DOT1L: variants seen among roughly 807,000 people sequenced by gnomAD.
DOT1L encodes the protein histone-lysine N-methyltransferase, H3 lysine-79 specific.
DOT1L carries 33 observed loss-of-function variants against 153.3 expected under a neutral mutation model. That is an observed-to-expected ratio of 0.22 (90% confidence interval 0.16 to 0.29). DOT1L has a LOEUF of 0.29. Among genes scored for constraint, DOT1L ranks in the 10% least tolerant of loss-of-function variants. The pLI is 1.00. For synonymous variants in DOT1L, 1,135 were observed against 965.1 expected, an observed-to-expected ratio of 1.18 and a Z score of -3.26; for missense variants, 1,847 against 2,119.9, an observed-to-expected ratio of 0.87 and a Z score of 2.53.
chr19:2,206,924 G>C (rs1001028322), intron 10 of DOT1L, 127 bp downstream of exon 10: 7 of 932,254 alleles, frequency 7.5e-6, no homozygotes, highest in South Asian at 2.8e-5. Context: ...GGGTGGGGCT[G>C]TCCTGGGCAG....
chr19:2,227,435 G>T, intron 27 of DOT1L: 1 of 615,244 alleles, frequency 1.6e-6, no homozygotes. Context: ...GTGGCCGCCC[G>T]GGCTCTGGCA....
intron 3 of DOT1L, among the ~76,000 whole-genome samples, chr19:2,188,651 T>C (rs532733076): frequency 1.3e-5 from 2 of 152,248 alleles, no homozygotes; most frequent in South Asian, 2.1e-4. Context: ...TGAGAGCCAC[T>C]GTGTGTGACA....
rs2022814085 is a variant in DOT1L at position 2,191,956 on chromosome 19, A to G, written c.493+716A>G. ...GCACAGATGAGCGGCCCGTACACGA[A>G]CAGCCTCAGTAGCCTGACGAATTCT... On this transcript the variant is annotated intron_variant, in intron 5 of 27. Transcript: ENST00000398665. This position sits in a 1 kb window ranked among gnomAD's most constrained non-coding sequence, Gnocchi z 6.8. Among the ~76,000 whole-genome samples the G allele has an allele frequency of 6.6e-6, 1 of 152,136 alleles. No homozygotes were observed. Among genetic ancestry groups the G allele is most frequent in the East Asian group, 1.9e-4 (1 of 5,184 alleles).
chr19:2,178,198 C>T (rs28412238), intron 1 of DOT1L, among the ~76,000 whole-genome samples: 6 of 148,968 alleles, frequency 4.0e-5, no homozygotes. Context: ...TCCCAAAGTG[C>T]TGGGATTACA....
rs1939362288 is a variant in DOT1L at position 2,208,087 on chromosome 19, C to T, written c.963+407C>T. Among the ~76,000 whole-genome samples, 1 of 152,146 alleles carries T rather than the reference C, an allele frequency of 6.6e-6. No individual in the cohort carries two copies. The highest frequency in any genetic ancestry group is 2.4e-5 in the African/African-American group (1 of 41,428). ...TCCTGAGCGGGGAGACACCAGGGTC[C>T]ATGGGTGGGGTCTGGGATGCTTCTT... On this transcript the variant is annotated intron_variant, in intron 11 of 27. Coordinates refer to ENST00000398665, the MANE Select transcript of DOT1L (RefSeq NM_032482.3). This position sits in a 1 kb window ranked among gnomAD's most constrained non-coding sequence, Gnocchi z 4.4.
In DOT1L at chr19:2,184,211, C is replaced by T. The variant is rs942515659; in HGVS notation, c.126-1644C>T. On this transcript the variant is annotated intron_variant, in intron 2 of 27. Coordinates refer to ENST00000398665, the MANE Select transcript of DOT1L (RefSeq NM_032482.3). The stretch of plus-strand genomic sequence containing the variant: ...CAGATGGCCTTGCTTGGGTTGCTCT[C>T]GGGGCCTCGCTCGGTGCCTGGGGCT... 3.3e-5 allele frequency among the ~76,000 whole-genome samples: 5 copies of T among 152,114 alleles called. No individual in the cohort carries two copies. The South Asian group carries it at 6.2e-4, about 19-fold the overall frequency.
intron 24 of DOT1L, 130 bp from the exon 25 acceptor site, chr19:2,223,151 G>T (rs1001466852): frequency 2.1e-6 from 2 of 960,942 alleles, no homozygotes; most frequent in African/African-American, 1.6e-5. Flanking sequence ...TGTACTGGCC[G>T]CTGGGCAGGG....
At chr19:2,200,332 GCTCGAGGGAGCGGCCCCTCGTGGT>G (rs1363261162) in intron 8 of DOT1L, among the ~76,000 whole-genome samples, 1 of 152,152 alleles carries the variant, frequency 6.6e-6, no homozygotes, top group East Asian at 1.9e-4. Context: ...TATGAGGGCT[GCTCGAGGGAGCGGCCCCTCGTGGT>G]CCCAAAAGCC....
chr19:2,213,427 G>A (rs1321588723), intron 16 of DOT1L, 112 bp from the exon 17 acceptor site: 1 of 1,097,284 alleles, frequency 9.1e-7, no homozygotes, highest in African/African-American at 1.6e-5. Context: ...CCTCAGGCAT[G>A]TCTGTCCTTG....
intron 3 of DOT1L, among the ~76,000 whole-genome samples, chr19:2,187,844 C>T (rs1365858043): frequency 2.0e-5 from 3 of 151,816 alleles, no homozygotes; most frequent in Non-Finnish European, 4.4e-5. Context: ...ATGGTGTGAA[C>T]CCGGGAGGCG....
chr19:2,172,851 G>A (rs978700606), intron 1 of DOT1L, among the ~76,000 whole-genome samples: 5 of 151,550 alleles, frequency 3.3e-5, no homozygotes, highest in African/African-American at 4.9e-5. Context: ...GACAGTTCAC[G>A]TATCATAAAG....
At position 2,191,769 on chromosome 19, in the gene DOT1L, G is replaced by C. The variant is rs528728683; in HGVS notation, c.493+529G>C. On this transcript the variant is annotated intron_variant, in intron 5 of 27. Transcript: ENST00000398665. The surrounding 1 kb of genome is among the most constrained non-coding windows in gnomAD (Gnocchi z 6.8). ...CTCGGCACCCCTGCGTCTGGGCCGT[G>C]CCCTGCCCCTCCCAGGTTGGGGCTC... Among the ~76,000 whole-genome samples, 2 of 152,052 alleles carry C rather than the reference G, an allele frequency of 1.3e-5. No individual in the cohort carries two copies. The highest frequency in any genetic ancestry group is 2.4e-5 in the African/African-American group (1 of 41,394).
chr19:2,227,082 C>A lies in DOT1L; in HGVS notation c.4561C>A (p.His1521Asn). ...CGCTGCCACCAGACTGACCAACTCGCACGCCATGGGCAGCTTTTCCGGGGT... is the reference window on the plus strand; with the variant it reads ...CGCTGCCACCAGACTGACCAACTCGAACGCCATGGGCAGCTTTTCCGGGGT... ...SSAATRLTNS[H>N]AMGSFSGVAG... The change falls in exon 27 of 28, where the codon CAC becomes AAC. Residue 1521 changes from histidine to asparagine, a missense_variant. Transcript: ENST00000398665. 1 of 1,565,280 alleles carries A rather than the reference C, an allele frequency of 6.4e-7. No homozygotes were observed. The highest frequency in any genetic ancestry group is 8.6e-7 in the Non-Finnish European group (1 of 1,161,174).
intron 1 of DOT1L, among the ~76,000 whole-genome samples, chr19:2,170,502 A>T (rs917807021): frequency 6.6e-6 from 1 of 152,014 alleles, no homozygotes; most frequent in Non-Finnish European, 1.5e-5. Flanking sequence ...GTACCCGGGG[A>T]TTCATCAGTT....
At position 2,191,712 on chromosome 19, in the gene DOT1L, G is replaced by A. The variant is rs1378445644; in HGVS notation, c.493+472G>A. Among the ~76,000 whole-genome samples the A allele has an allele frequency of 4.0e-5, 6 of 151,818 alleles. No homozygotes were observed. The highest frequency in any genetic ancestry group is 8.8e-5 in the Non-Finnish European group (6 of 67,940). On this transcript the variant is annotated intron_variant, in intron 5 of 27. Transcript: ENST00000398665. This position sits in a 1 kb window ranked among gnomAD's most constrained non-coding sequence, Gnocchi z 6.8. Reference sequence around the variant, plus strand: ...ACCCCAGGTCCCTGGGCTCCCGGAGGCCCTCGCGCCCTCCCTGCATCCCCA... The same window carrying A: ...ACCCCAGGTCCCTGGGCTCCCGGAGACCCTCGCGCCCTCCCTGCATCCCCA...
intron 3 of DOT1L, among the ~76,000 whole-genome samples, chr19:2,187,812 G>C (rs961015649): frequency 6.3e-4 from 96 of 151,978 alleles, no homozygotes; most frequent in South Asian, 4.6e-3. Flanking sequence ...GTCCCAGTTA[G>C]TCAGGAGGCT....
chr19:2,184,188 G>T (rs1271745867), intron 2 of DOT1L, among the ~76,000 whole-genome samples: 1 of 152,170 alleles, frequency 6.6e-6, no homozygotes, highest in African/African-American at 2.4e-5. Flanking sequence ...AGTGACTGCA[G>T]ATGGCCTTGC....
chr19:2,191,766 C>G lies in DOT1L; in HGVS notation c.493+526C>G, dbSNP rs561521265. On this transcript the variant is annotated intron_variant, in intron 5 of 27. Coordinates refer to ENST00000398665, the MANE Select transcript of DOT1L (RefSeq NM_032482.3). The surrounding 1 kb of genome is among the most constrained non-coding windows in gnomAD (Gnocchi z 6.8). Reference sequence around the variant, plus strand: ...TCCCTCGGCACCCCTGCGTCTGGGCCGTGCCCTGCCCCTCCCAGGTTGGGG... The same window carrying G: ...TCCCTCGGCACCCCTGCGTCTGGGCGGTGCCCTGCCCCTCCCAGGTTGGGG... 2.0e-5 allele frequency among the ~76,000 whole-genome samples: 3 copies of G among 152,112 alleles called. No homozygotes were observed. Among genetic ancestry groups the G allele is most frequent in the Non-Finnish European group, 2.9e-5 (2 of 67,996 alleles).
In DOT1L at chr19:2,187,152, A is replaced by G. The variant is rs2022550189; in HGVS notation, c.200+1223A>G. Among the ~76,000 whole-genome samples, 3 of 152,190 alleles carry G rather than the reference A, an allele frequency of 2.0e-5. No homozygotes were observed. The South Asian group carries it at 6.2e-4, about 31-fold the overall frequency. Reference sequence around the variant, plus strand: ...GGAGCCCCCCACAAGTCGCTTCCTTACAACAGAAGACACTCCTGTCACCTA... The same window carrying G: ...GGAGCCCCCCACAAGTCGCTTCCTTGCAACAGAAGACACTCCTGTCACCTA... On this transcript the variant is annotated intron_variant, in intron 3 of 27. Transcript: ENST00000398665.
Sources: allele counts gnomAD v4.1 joint callset (sites outside exome capture counted in the v4.1 genomes callset), GRCh38; gene constraint gnomAD v4.1.1; non-coding constraint Gnocchi (gnomAD v3.1); transcripts MANE v1.5; gene names NCBI Gene and HGNC (gene_info 2026-07-23, HGNC 2026-07-21).